Variants in HMGA2 observed in about 807,000 individuals in gnomAD.
The protein encoded by HMGA2 is high mobility group AT-hook 2.
A neutral mutation model predicts 19.1 loss-of-function variants in HMGA2; 8 were observed. The ratio of observed to expected loss-of-function variants is 0.42; its 90% confidence interval spans 0.25 to 0.76. The LOEUF (loss-of-function observed/expected upper bound fraction) is 0.76, where lower values mean the gene tolerates loss of function less well. Ranked by LOEUF, HMGA2 falls within the 30% of genes least tolerant of loss-of-function variation. The pLI is 0.28. For synonymous variants in HMGA2, 60 were observed against 48.8 expected (o/e 1.23, Z -0.96); for missense variants, 109 against 136.3 (o/e 0.80, Z 1.00).
intron 3 of HMGA2, among the ~76,000 whole-genome samples, chr12:65,923,226 G>GA (rs539108083): frequency 9.9e-5 from 15 of 150,912 alleles, no homozygotes; most frequent in Admixed American, 2.0e-4. Context: ...AAAAAAAGAA[G>GA]AAAAAAAAAT....
chr12:65,914,263 A>G (rs1244017547), intron 3 of HMGA2, among the ~76,000 whole-genome samples: 1 of 152,058 alleles, frequency 6.6e-6, no homozygotes, highest in African/African-American at 2.4e-5. Context: ...ACAATGTTAG[A>G]CTGGATTAAG....
chr12:65,835,912 T>C (rs1870696959), intron 2 of HMGA2, among the ~76,000 whole-genome samples: 1 of 152,228 alleles, frequency 6.6e-6, no homozygotes, highest in African/African-American at 2.4e-5. Context: ...CTGGGTTAAC[T>C]GTGCAATCTT....
chr12:65,926,191 C>T (rs746815384), intron 3 of HMGA2, among the ~76,000 whole-genome samples: 4 of 152,134 alleles, frequency 2.6e-5, no homozygotes, highest in Non-Finnish European at 4.4e-5. Flanking sequence ...GTGTTAACTC[C>T]GCCCCTAAAA....
chr12:65,863,007 G>T (rs767440062), intron 3 of HMGA2, among the ~76,000 whole-genome samples: 2 of 152,180 alleles, frequency 1.3e-5, no homozygotes, highest in Non-Finnish European at 2.9e-5. Flanking sequence ...CCCATGCTCA[G>T]CTCATGGTAA....
chr12:65,959,023 G>A (rs1876677805), intron 4 of HMGA2, among the ~76,000 whole-genome samples: 1 of 152,188 alleles, frequency 6.6e-6, no homozygotes, highest in South Asian at 2.1e-4. Flanking sequence ...TGTTTAGTCT[G>A]CATCTGGAAA....
At chr12:65,856,609 G>C (rs1871755817) in intron 3 of HMGA2, 1 of 152,248 alleles carries the variant, frequency 6.6e-6, no homozygotes, top group African/African-American at 2.4e-5. Flanking sequence ...CCACAAACTT[G>C]GGTGCTTTAC....
intron 3 of HMGA2, among the ~76,000 whole-genome samples, chr12:65,899,298 G>A (rs927187290): frequency 6.6e-6 from 1 of 152,170 alleles, no homozygotes; most frequent in African/African-American, 2.4e-5. Flanking sequence ...ACATTTGGGA[G>A]CAAGTCCTTT....
intron 3 of HMGA2, among the ~76,000 whole-genome samples, chr12:65,888,250 GT>G (rs1233155515): frequency 6.6e-6 from 1 of 152,042 alleles, no homozygotes; most frequent in Non-Finnish European, 1.5e-5. Flanking sequence ...GAGGTCAGGA[GT>G]TTGAGACCAG....
intron 3 of HMGA2, chr12:65,877,105 C>T (rs1222475718): frequency 6.6e-6 from 1 of 152,086 alleles, no homozygotes; most frequent in Non-Finnish European, 1.5e-5. Context: ...CTTGCTTGGG[C>T]TTGAGGAATT....
At chr12:65,876,530 A>G (rs1179795730) in intron 3 of HMGA2, among the ~76,000 whole-genome samples, 1 of 152,218 alleles carries the variant, frequency 6.6e-6, no homozygotes, top group African/African-American at 2.4e-5. Flanking sequence ...TTCTTTCAAG[A>G]AAACCAAATC....
chr12:65,901,493 C>A (rs141060959), intron 3 of HMGA2, among the ~76,000 whole-genome samples: 1 of 152,008 alleles, frequency 6.6e-6, no homozygotes, highest in Admixed American at 6.6e-5. Flanking sequence ...AGTCACCAAG[C>A]GTTTATTTGT....
intron 3 of HMGA2, among the ~76,000 whole-genome samples, chr12:65,868,467 G>T (rs1003103641): frequency 1.3e-5 from 2 of 152,084 alleles, no homozygotes; most frequent in African/African-American, 4.8e-5. Context: ...GGAGGAGTCA[G>T]ATTACTCTCC....
chr12:65,851,691 T>G, intron 3 of HMGA2: 1 of 429,594 alleles, frequency 2.3e-6, no homozygotes, highest in Non-Finnish European at 4.6e-6. Flanking sequence ...AATCATTAGT[T>G]TTAAACCCTG....
At chr12:65,851,052 G>A (rs975851513) in intron 3 of HMGA2, among the ~76,000 whole-genome samples, 5 of 152,134 alleles carry the variant, frequency 3.3e-5, no homozygotes, top group South Asian at 2.1e-4. Flanking sequence ...TAAAGTGTAC[G>A]TACTTTGGGT....
intron 3 of HMGA2, chr12:65,915,379 C>T: frequency 7.6e-7 from 1 of 1,313,388 alleles, no homozygotes; most frequent in Non-Finnish European, 9.8e-7. Context: ...TCACTCTAGG[C>T]ACATGCAGAG....
intron 3 of HMGA2, among the ~76,000 whole-genome samples, chr12:65,869,805 A>G (rs960040791): frequency 3.9e-5 from 6 of 152,242 alleles, no homozygotes; most frequent in Non-Finnish European, 8.8e-5. Context: ...ATAAATGAAG[A>G]AAACAAGTCT....
rs766566755 is a variant in HMGA2, at chr12:65,915,053, C to A, written c.250-36330C>A. Reference sequence around the variant, plus strand: ...CATATGCCCCATCCTGATGTCATATCCACAGGACAATCTACTACCAAGAAC... The same window carrying A: ...CATATGCCCCATCCTGATGTCATATACACAGGACAATCTACTACCAAGAAC... On this transcript the variant is annotated intron_variant, in intron 3 of 4. Coordinates refer to ENST00000403681, the MANE Select transcript of HMGA2 (RefSeq NM_003483.6). 2.4e-5 allele frequency: 39 copies of A among 1,613,434 alleles called. No individual in the cohort carries two copies. In the South Asian group the frequency reaches 4.1e-4, roughly 17 times the overall value.
intron 3 of HMGA2, among the ~76,000 whole-genome samples, chr12:65,894,099 G>A (rs547513684): frequency 2.6e-5 from 4 of 152,124 alleles, no homozygotes; most frequent in South Asian, 2.1e-4. Context: ...CCAACTTATC[G>A]TGAGCCTGGT....
intron 3 of HMGA2, chr12:65,842,031 G>A: frequency 8.3e-7 from 1 of 1,210,282 alleles, no homozygotes; most frequent in East Asian, 5.8e-5. Flanking sequence ...CTGGATTTCA[G>A]ATCTATTGTT....
Sources: gnomAD v4.1 joint callset for allele counts (sites outside exome capture counted in the v4.1 genomes callset) on GRCh38, gnomAD v4.1.1 for gene constraint, MANE v1.5 for transcripts, NCBI Gene and HGNC (gene_info 2026-07-23, HGNC 2026-07-21) for gene names.